The following PCM1 variants were observed in gnomAD, a reference collection of about 807,000 sequenced individuals.
PCM1 encodes pericentriolar material 1.
Under a neutral mutation model 241.9 loss-of-function variants are expected in PCM1, and 157 were observed. The ratio of observed to expected loss-of-function variants is 0.65; its 90% CI spans 0.57 to 0.74. PCM1 has a LOEUF of 0.74. Ranked by LOEUF, PCM1 falls within the 30% of genes least tolerant of loss-of-function variation. The probability of loss-of-function intolerance (pLI) is 0.00; values close to 1 mark genes in which losing one functional copy is unlikely to be tolerated. For missense variants in PCM1, 3,478 were observed against 2,360.1 expected (o/e 1.47, Z -9.81); for synonymous variants, 1,085 against 784.9 (o/e 1.38, Z -6.39).
intron 7 of PCM1, among the ~76,000 whole-genome samples, chr8:17,948,587 G>A (rs1361118768): frequency 1.3e-5 from 2 of 152,012 alleles, no homozygotes; most frequent in African/African-American, 4.8e-5. Flanking sequence ...ACAGGCGTCA[G>A]CCACCGTGCC....
intron 1 of PCM1, among the ~76,000 whole-genome samples, chr8:17,923,492 G>A (rs1328084753): frequency 1.3e-5 from 2 of 152,176 alleles, no homozygotes; most frequent in Non-Finnish European, 2.9e-5. Context: ...TCTGCGTCCC[G>A]GTGGCTCCGG....
Position 18,028,463 on chromosome 8 carries a change from C to CTT in PCM1, c.*805_*806dup. Reference sequence around the variant, plus strand: ...GGTTAATTTTAAATGAAAAACTTAACTTTTTCAAGTGGGGATAAATAATAC... The same window carrying CTT: ...GGTTAATTTTAAATGAAAAACTTAACTTTTTTTCAAGTGGGGATAAATAATAC... On this transcript the variant is annotated 3_prime_UTR_variant, in exon 39 of 39. Transcript: ENST00000325083. The CTT allele has an allele frequency of 5.2e-6, 1 of 193,770 alleles. No individual in the cohort carries two copies. The highest frequency in any genetic ancestry group is 1.9e-4 in the South Asian group (1 of 5,180). The allele number at this position is 193,770 out of a possible 1,614,324, so 12.0% of individuals were successfully genotyped here.
intron 2 of PCM1, among the ~76,000 whole-genome samples, chr8:17,929,144 C>T (rs1362648398): frequency 1.3e-5 from 2 of 152,084 alleles, no homozygotes; most frequent in African/African-American, 2.4e-5. Flanking sequence ...AATTTCTCAC[C>T]AAAGTCAACA....
rs1185070515 is a variant in PCM1, at chr8:18,002,073, TTTTTC to T, written c.4828-4185_4828-4181del. Among the ~76,000 whole-genome samples, 5 of 69,936 alleles carry T rather than the reference TTTTTC, an allele frequency of 7.1e-5. 1 individual carries two copies. Among genetic ancestry groups the T allele is most frequent in the Non-Finnish European group, 1.2e-4 (5 of 42,662 alleles). The allele number at this position is 69,936 out of a possible 152,430, so 45.9% of individuals were successfully genotyped here. On this transcript the variant is annotated intron_variant, in intron 29 of 38. Coordinates refer to ENST00000325083, the MANE Select transcript of PCM1 (RefSeq NM_006197.4). ...GTTAAATTTTTTTTTTCTTTTTTTT[TTTTTC>T]TTTTTTTTATTATACTCTAAGTTAT...
At chr8:17,934,118 C>T (rs555651952) in intron 2 of PCM1, among the ~76,000 whole-genome samples, 25 of 152,084 alleles carry the variant, frequency 1.6e-4, no homozygotes, top group South Asian at 6.2e-4. Flanking sequence ...AATAGATATT[C>T]TAGCATCAAA....
chr8:17,955,525 A>T lies in PCM1; in HGVS notation c.1344A>T (p.Val448=), dbSNP rs763698154. 6 of 1,613,738 alleles carry T rather than the reference A, an allele frequency of 3.7e-6. No homozygotes were observed. In the East Asian group the frequency reaches 1.3e-4, roughly 36 times the overall value. ...GTACTTCAGCTCCCTCTGCTTCTGTAGGCTTGGCACCGGTTGTCAATGGAG... is the reference window on the plus strand; with the variant it reads ...GTACTTCAGCTCCCTCTGCTTCTGTTGGCTTGGCACCGGTTGTCAATGGAG... ...QRSTSAPSAS[V]GLAPVVNGES... The change falls in exon 10 of 39, where the codon GTA becomes GTT. Residue 448 remains valine (V), a synonymous_variant. Coordinates refer to ENST00000325083, the MANE Select transcript of PCM1 (RefSeq NM_006197.4).
intron 24 of PCM1, among the ~76,000 whole-genome samples, chr8:17,981,770 T>C (rs1026337196): frequency 6.6e-5 from 10 of 152,212 alleles, no homozygotes; most frequent in Non-Finnish European, 1.3e-4. Flanking sequence ...GAGGGAACTT[T>C]TTTTTGTTTT....
intron 23 of PCM1, among the ~76,000 whole-genome samples, chr8:17,973,842 A>G (rs2077707959): frequency 6.6e-6 from 1 of 152,192 alleles, no homozygotes; most frequent in African/African-American, 2.4e-5. Context: ...CAAGTATAGT[A>G]AATGCCCTGA....
intron 33 of PCM1, 77 bp from the exon 34 acceptor site, chr8:18,011,590 C>T (rs1446181512): frequency 9.8e-6 from 13 of 1,319,962 alleles, no homozygotes; most frequent in South Asian, 1.5e-5. Flanking sequence ...CTGTGCCATG[C>T]AGGAATGCAG....
intron 8 of PCM1, among the ~76,000 whole-genome samples, chr8:17,952,430 C>T (rs2066421647): frequency 6.6e-6 from 1 of 151,950 alleles, no homozygotes; most frequent in Non-Finnish European, 1.5e-5. Flanking sequence ...CTAGTGAATC[C>T]AAGACCTCTG....
intron 21 of PCM1, among the ~76,000 whole-genome samples, chr8:17,967,557 C>T (rs2075368093): frequency 6.6e-6 from 1 of 152,196 alleles, no homozygotes; most frequent in Non-Finnish European, 1.5e-5. Flanking sequence ...ATCCACCTGC[C>T]TTGGCCTCCC....
In PCM1 at chr8:18,029,889, G is replaced by T. The variant is rs1311538253; in HGVS notation, c.*2227G>T. 1.6e-5 allele frequency: 3 copies of T among 191,824 alleles called. No individual in the cohort carries two copies. Among genetic ancestry groups the T allele is most frequent in the East Asian group, 8.3e-5 (1 of 12,026 alleles). The allele number at this position is 191,824 out of a possible 1,614,324, so 11.9% of individuals were successfully genotyped here. On this transcript the variant is annotated 3_prime_UTR_variant, in exon 39 of 39. Coordinates refer to ENST00000325083, the MANE Select transcript of PCM1 (RefSeq NM_006197.4). ...ACTGTGGAGGTACTCTTTGTATTTT[G>T]TAACATTGACTTTGGGTAAATGCTT...
chr8:17,923,463 G>A (rs868067708), intron 1 of PCM1, among the ~76,000 whole-genome samples: 2 of 152,330 alleles, frequency 1.3e-5, no homozygotes, highest in African/African-American at 2.4e-5. Flanking sequence ...CCTCCTGCTG[G>A]CCCTGTCGGG....
At chr8:18,000,259 A>G (rs907312733) in intron 29 of PCM1, among the ~76,000 whole-genome samples, 2 of 152,220 alleles carry the variant, frequency 1.3e-5, no homozygotes, top group Admixed American at 1.3e-4. Context: ...TATGAGACTA[A>G]GTTGAAAGGG....
At chr8:18,018,298 T>G (rs1375411189) in intron 36 of PCM1, among the ~76,000 whole-genome samples, 2 of 152,218 alleles carry the variant, frequency 1.3e-5, no homozygotes, top group Non-Finnish European at 2.9e-5. Flanking sequence ...AAACTCACTC[T>G]TATACCAACC....
chr8:17,924,355 TA>T (rs1177496180), intron 1 of PCM1, among the ~76,000 whole-genome samples: 1 of 152,234 alleles, frequency 6.6e-6, no homozygotes, highest in Non-Finnish European at 1.5e-5. Flanking sequence ...TCATCGGATA[TA>T]CGAGGTTGTT....
In PCM1 at chr8:17,956,696, A is replaced by G. The variant is rs2068655793; in HGVS notation, c.1565A>G (p.Asn522Ser). The stretch of plus-strand genomic sequence containing the variant: ...TCAGACATGATGACAGATGCTGTGA[A>G]TGAAAACAGGAAAGATGAAGAAACT... ...QTSDMMTDAV[N>S]ENRKDEETEE... The change falls in exon 11 of 39, where the codon AAT becomes AGT. Residue 522 changes from asparagine to serine, a missense_variant. Coordinates refer to ENST00000325083, the MANE Select transcript of PCM1 (RefSeq NM_006197.4). The G allele has an allele frequency of 1.2e-6, 2 of 1,605,478 alleles. No individual in the cohort carries two copies. Among genetic ancestry groups the G allele is most frequent in the Non-Finnish European group, 1.7e-6 (2 of 1,174,166 alleles).
intron 10 of PCM1, among the ~76,000 whole-genome samples, chr8:17,956,188 C>T (rs891114789): frequency 6.6e-6 from 1 of 152,210 alleles, no homozygotes; most frequent in East Asian, 1.9e-4. Flanking sequence ...CTCATATGTG[C>T]AGACAAATCA....
chr8:17,980,879 G>A, intron 24 of PCM1, 124 bp downstream of exon 24: 5 of 605,306 alleles, frequency 8.3e-6, no homozygotes, highest in South Asian at 2.7e-5. Context: ...GTTTTATAGT[G>A]GAAATTATAG....
Sources: gnomAD v4.1 joint callset for allele counts (sites outside exome capture counted in the v4.1 genomes callset) on GRCh38, gnomAD v4.1.1 for gene constraint, MANE v1.5 for transcripts, NCBI Gene and HGNC (gene_info 2026-07-23, HGNC 2026-07-21) for gene names.